Variants in CCDC3 observed in about 807,000 individuals in gnomAD.
CCDC3 encodes coiled-coil domain containing 3, also known as coiled-coil domain-containing protein 3.
Under a neutral mutation model 21.4 loss-of-function variants are expected in CCDC3, and 24 were observed. The ratio of observed to expected loss-of-function variants is 1.12; its 90% CI spans 0.81 to 1.58. The LOEUF (loss-of-function observed/expected upper bound fraction) is 1.58. Ranked by LOEUF, CCDC3 falls within the 40% of genes most tolerant of loss-of-function variation. The pLI is 0.00. For missense variants in CCDC3, 425 were observed against 360.9 expected (o/e 1.18, Z -1.44); for synonymous variants, 186 against 166.0 (o/e 1.12, Z -0.93).
At chr10:12,954,038 T>C (rs899647302) in intron 2 of CCDC3, among the ~76,000 whole-genome samples, 2 of 152,218 alleles carry the variant, frequency 1.3e-5, no homozygotes, top group African/African-American at 4.8e-5. Flanking sequence ...ATTTCATACA[T>C]TTTAATGCAC....
chr10:12,918,237 A>G (rs1423957987), intron 2 of CCDC3, among the ~76,000 whole-genome samples: 1 of 152,188 alleles, frequency 6.6e-6, no homozygotes, highest in African/African-American at 2.4e-5. Context: ...CTTTTGTTAA[A>G]TTAGTTTTAT....
At chr10:13,097,666 G>A (rs540108766) in intron 3 of CCDC3, among the ~76,000 whole-genome samples, 5 of 152,352 alleles carry the variant, frequency 3.3e-5, no homozygotes, top group African/African-American at 7.2e-5. Flanking sequence ...GGAGATTGCA[G>A]TGAGCTGAGA....
At chr10:12,913,437 C>T (rs188728831) in intron 2 of CCDC3, among the ~76,000 whole-genome samples, 10 of 152,174 alleles carry the variant, frequency 6.6e-5, no homozygotes, top group African/African-American at 1.7e-4. Context: ...ATTTTGTATC[C>T]TCAGACTTTA....
At chr10:12,982,709 A>G (rs959195136) in intron 2 of CCDC3, among the ~76,000 whole-genome samples, 3 of 142,228 alleles carry the variant, frequency 2.1e-5, no homozygotes, top group Admixed American at 7.8e-5. Context: ...CAGGAGAATC[A>G]CTTGAACCTA....
At chr10:13,094,606 G>A (rs1405655488) in intron 3 of CCDC3, among the ~76,000 whole-genome samples, 1 of 151,780 alleles carries the variant, frequency 6.6e-6, no homozygotes, top group African/African-American at 2.4e-5. Flanking sequence ...AGTTATGTCT[G>A]TAATTCCAGC....
chr10:13,011,491 G>A (rs1481098510), intron 5 of CCDC3, among the ~76,000 whole-genome samples: 1 of 152,058 alleles, frequency 6.6e-6, no homozygotes, highest in African/African-American at 2.4e-5. Context: ...GGAGGTGAAA[G>A]ATCTCTACAA....
intron 3 of CCDC3, among the ~76,000 whole-genome samples, chr10:13,089,335 C>G (rs1172115713): frequency 9.9e-5 from 15 of 152,078 alleles, no homozygotes; most frequent in Admixed American, 9.8e-4. Context: ...ATTATGAATT[C>G]TTTATATGAA....
At chr10:13,098,525 C>T (rs1035884592) in exon 3 of CCDC3, 51 of 151,998 alleles carry the variant, frequency 3.4e-4, no homozygotes, top group African/African-American at 1.2e-3. Flanking sequence ...TACGACTTAC[C>T]GCAGGCACCC....
Position 13,019,103 on chromosome 10 carries a change from A to G in CCDC3, c.-1-20591T>C, listed in dbSNP as rs528428806. On this transcript the variant is annotated intron_variant, in intron 5 of 6. Transcript: ENST00000378839. Reference sequence around the variant, plus strand: ...AAAAAAATTAGCCGGGCGTGGTGGCAGGCTCCTGTAGTCCCAGCTACTCGG... The same window carrying G: ...AAAAAAATTAGCCGGGCGTGGTGGCGGGCTCCTGTAGTCCCAGCTACTCGG... 1.2e-3 allele frequency among the ~76,000 whole-genome samples: 180 copies of G among 152,140 alleles called. 1 individual carries two copies. Among genetic ancestry groups the G allele is most frequent in the African/African-American group, 2.8e-3 (118 of 41,528 alleles).
intron 5 of CCDC3, among the ~76,000 whole-genome samples, chr10:13,041,298 G>A (rs1049586492): frequency 6.6e-6 from 1 of 151,978 alleles, no homozygotes; most frequent in Non-Finnish European, 1.5e-5. Flanking sequence ...TAGATGAGTA[G>A]TATTTTGACA....
upstream of CCDC3, among the ~76,000 whole-genome samples, chr10:13,005,353 C>T (rs1200760518): frequency 1.3e-5 from 2 of 152,166 alleles, no homozygotes; most frequent in Non-Finnish European, 2.9e-5. Flanking sequence ...AGCCACTTGC[C>T]CATGCAACTT....
chr10:12,915,336 G>A (rs905487122), intron 2 of CCDC3, among the ~76,000 whole-genome samples: 1 of 152,208 alleles, frequency 6.6e-6, no homozygotes, highest in African/African-American at 2.4e-5. Flanking sequence ...TATATGTCTA[G>A]TGGTCCATTC....
At chr10:12,940,108 C>A (rs1363547941) in intron 2 of CCDC3, among the ~76,000 whole-genome samples, 1 of 152,024 alleles carries the variant, frequency 6.6e-6, no homozygotes. Flanking sequence ...GTGCAGAACC[C>A]CATTGGTGGA....
chr10:13,063,332 T>G (rs1282362525), intron 4 of CCDC3, among the ~76,000 whole-genome samples: 1 of 96,070 alleles, frequency 1.0e-5, no homozygotes, highest in Non-Finnish European at 2.3e-5. Flanking sequence ...CCTGCTAATT[T>G]TCCATCCTCT....
chr10:13,082,436 A>G (rs955183970), intron 3 of CCDC3, among the ~76,000 whole-genome samples: 1 of 152,246 alleles, frequency 6.6e-6, no homozygotes, highest in Non-Finnish European at 1.5e-5. Flanking sequence ...ACAGGGTGGA[A>G]CATGAAAGTG....
Position 13,057,937 on chromosome 10 carries a change from T to C in CCDC3, c.-269-7996A>G, listed in dbSNP as rs146048003. 969 of 584,336 alleles carry C rather than the reference T, an allele frequency of 1.7e-3. 48 individuals are homozygous for C. The East Asian group carries it at 0.031, about 19-fold the overall frequency. 36.2% of individuals were successfully genotyped at this position (584,336 alleles called of 1,614,324 possible). On this transcript the variant is annotated intron_variant, in intron 4 of 6. Transcript: ENST00000378839. ...TCTTTTCATAGACTGGATTCTCTCATATAGCAGCATGAGCTTTCTTGTGTA... is the reference window on the plus strand; with the variant it reads ...TCTTTTCATAGACTGGATTCTCTCACATAGCAGCATGAGCTTTCTTGTGTA...
intron 5 of CCDC3, among the ~76,000 whole-genome samples, chr10:13,033,601 G>GGCCTAATATCCAGAATCT (rs1368056631): frequency 6.6e-6 from 1 of 152,106 alleles, no homozygotes; most frequent in Non-Finnish European, 1.5e-5. Context: ...ATCTGACAAA[G>GGCCTAATATCCAGAATCT]GCCTAATATC....
intron 2 of CCDC3, among the ~76,000 whole-genome samples, chr10:12,915,346 C>T (rs910706239): frequency 6.6e-6 from 1 of 152,184 alleles, no homozygotes. Flanking sequence ...GTGGTCCATT[C>T]ATTAAATGTC....
At chr10:13,087,484 T>G (rs1008230806) in intron 3 of CCDC3, among the ~76,000 whole-genome samples, 2 of 151,466 alleles carry the variant, frequency 1.3e-5, no homozygotes, top group Non-Finnish European at 2.9e-5. Context: ...CTTCTCCATG[T>G]CCACTCCTCT....
Sources: gnomAD v4.1 joint callset for allele counts (sites outside exome capture counted in the v4.1 genomes callset) on GRCh38, gnomAD v4.1.1 for gene constraint, MANE v1.5 for transcripts, NCBI Gene and HGNC (gene_info 2026-07-23, HGNC 2026-07-21) for gene names.